The following NUP62CL variants were observed in gnomAD, a reference collection of about 807,000 sequenced individuals.
The protein encoded by NUP62CL is nucleoporin 62 C-terminal like, also known as nucleoporin-62 C-terminal-like protein.
NUP62CL carries 13 observed loss-of-function variants against 15.3 expected under a neutral mutation model. The observed-to-expected ratio is 0.85, with a 90% CI of 0.55 to 1.35. The LOEUF is 1.35. Ranked by LOEUF, NUP62CL falls within the 40% of genes most tolerant of loss-of-function variation. NUP62CL has a pLI of 0.00. For synonymous variants in NUP62CL, 54 were observed against 49.2 expected, an observed-to-expected ratio of 1.10 and a Z score of -0.41; for missense variants, 123 against 130.6, an observed-to-expected ratio of 0.94 and a Z score of 0.28.
chrX:107,185,196 CAAAAAAAAAAAAA>C (rs3072235), intron 2 of NUP62CL, among the ~76,000 whole-genome samples: 1 of 20,983 alleles, frequency 4.8e-5, no homozygotes, highest in Non-Finnish European at 9.5e-5. Context: ...GACTCCGTCT[CAAAAAAAAAAAAA>C]AAAAAAAAAA....
chrX:107,163,127 C>T (rs1465449595), intron 4 of NUP62CL, among the ~76,000 whole-genome samples: 1 of 111,539 alleles, frequency 9.0e-6, no homozygotes, highest in African/African-American at 3.3e-5. Context: ...CTTCTCGTTT[C>T]TCAGATCATT....
chrX:107,131,294 G>C (rs1925509555), intron 8 of NUP62CL, among the ~76,000 whole-genome samples: 1 of 111,676 alleles, frequency 9.0e-6, no homozygotes, highest in African/African-American at 3.3e-5. Flanking sequence ...TGAAGAAATA[G>C]AAATAGCCTG....
At chrX:107,157,456 A>G (rs1382828930) in intron 4 of NUP62CL, among the ~76,000 whole-genome samples, 4 of 106,640 alleles carry the variant, frequency 3.8e-5, no homozygotes, top group Non-Finnish European at 7.8e-5. Flanking sequence ...AAGCCAGAAG[A>G]GAGTGGGGGC....
In NUP62CL at chrX:107,125,064, G is replaced by A. The variant is rs1016068517; in HGVS notation, c.*43-732C>T. On this transcript the variant is annotated intron_variant, in intron 8 of 8. Transcript: ENST00000372466. ...TTTAAACTGCGCAAGTTCACTATAC[G>A]TGAATTTTCTTCCACTTCTGCCACA... 4.5e-5 allele frequency among the ~76,000 whole-genome samples: 5 copies of A among 111,455 alleles called. 1 individual carries two copies. Among genetic ancestry groups the A allele is most frequent in the African/African-American group, 9.8e-5 (3 of 30,719 alleles).
At chrX:107,184,802 T>C (rs1270376509) in intron 2 of NUP62CL, among the ~76,000 whole-genome samples, 2 of 110,289 alleles carry the variant, frequency 1.8e-5, no homozygotes, top group African/African-American at 3.3e-5. Context: ...TAATTAAACT[T>C]CTGAAAACCA....
chrX:107,184,878 A>G (rs1377544938), intron 2 of NUP62CL, among the ~76,000 whole-genome samples: 1 of 111,716 alleles, frequency 9.0e-6, no homozygotes, highest in African/African-American at 3.3e-5. Context: ...AGAAAAGACT[A>G]TTTAAATGAC....
intron 7 of NUP62CL, chrX:107,150,706 C>T: frequency 3.9e-6 from 1 of 254,731 alleles, no homozygotes; most frequent in Non-Finnish European, 7.6e-6. Context: ...ACTATGTTGC[C>T]CAGGCTGGTC....
chrX:107,141,857 G>A (rs1488028038), intron 8 of NUP62CL, among the ~76,000 whole-genome samples: 1 of 109,653 alleles, frequency 9.1e-6, no homozygotes, highest in African/African-American at 3.3e-5. Flanking sequence ...CCAAGAGTTC[G>A]AGACCAGCCT....
At chrX:107,186,718 T>A (rs1038907587) in intron 2 of NUP62CL, among the ~76,000 whole-genome samples, 1 of 111,237 alleles carries the variant, frequency 9.0e-6, no homozygotes, top group Non-Finnish European at 1.9e-5. Flanking sequence ...GCCAATATGG[T>A]GAAACCCTGT....
In NUP62CL at chrX:107,206,279, G is replaced by A. The variant is rs1009744705; in HGVS notation, c.-98C>T. The A allele has an allele frequency of 2.1e-4, 23 of 110,874 alleles. No homozygotes were observed. The highest frequency in any genetic ancestry group is 7.6e-4 in the African/African-American group (23 of 30,435). The allele number at this position is 110,874 out of a possible 1,213,427, so 9.1% of individuals were successfully genotyped here. On this transcript the variant is annotated 5_prime_UTR_variant, in exon 1 of 9. Transcript: ENST00000372466. ...GAAAACCCCACAAACTTACCTTACT[G>A]GCAAGTCGCCGCCGCTCGCTGTCCG...
intron 2 of NUP62CL, among the ~76,000 whole-genome samples, chrX:107,189,886 AAAGAAAGAAAGAAAG>A (rs1389807226): frequency 6.3e-5 from 4 of 63,508 alleles, no homozygotes; most frequent in Non-Finnish European, 9.5e-5. Context: ...GAAAAGAAAG[AAAGAAAGAAAGAAAG>A]AAAGAAAGAA....
At chrX:107,204,345 T>C (rs1927558006) in intron 1 of NUP62CL, among the ~76,000 whole-genome samples, 1 of 111,511 alleles carries the variant, frequency 9.0e-6, no homozygotes, top group Non-Finnish European at 1.9e-5. Context: ...CCTCAACCTC[T>C]AAGCTTCTGT....
At position 107,161,017 on chromosome X, in the gene NUP62CL, A is replaced by G. The variant is rs775292381; in HGVS notation, c.194+6632T>C. ...AAAAGAAGACATTTATGCAGCCAAC[A>G]GACACATGAAAAAATGCTCATCATC... is the stretch of plus-strand genomic sequence containing the variant. On this transcript the variant is annotated intron_variant, in intron 4 of 8. Transcript: ENST00000372466. 9.8e-3 allele frequency among the ~76,000 whole-genome samples: 1,094 copies of G among 112,129 alleles called. 12 individuals are homozygous for G. Among genetic ancestry groups the G allele is most frequent in the African/African-American group, 0.034 (1,050 of 30,847 alleles).
At chrX:107,192,789 T>C (rs1484932242) in intron 2 of NUP62CL, among the ~76,000 whole-genome samples, 1 of 112,167 alleles carries the variant, frequency 8.9e-6, no homozygotes, top group Non-Finnish European at 1.9e-5. Context: ...TTGCTCTTAC[T>C]CTAAGGAAAA....
chrX:107,156,204 G>GA (rs1926184373), intron 4 of NUP62CL, among the ~76,000 whole-genome samples: 2 of 111,944 alleles, frequency 1.8e-5, no homozygotes, highest in Non-Finnish European at 3.8e-5. Context: ...GGCTGGGGGA[G>GA]GGGCGCCCGC....
chrX:107,201,619 C>T (rs1005848231), intron 1 of NUP62CL, among the ~76,000 whole-genome samples: 1 of 106,717 alleles, frequency 9.4e-6, no homozygotes, highest in African/African-American at 3.5e-5. Flanking sequence ...AAAAATACTG[C>T]TGACCAAAAA....
chrX:107,164,144 C>A (rs909828523), intron 4 of NUP62CL, among the ~76,000 whole-genome samples: 1 of 111,627 alleles, frequency 9.0e-6, no homozygotes, highest in African/African-American at 3.3e-5. Flanking sequence ...TAAAATCGTA[C>A]AAAGCATATT....
rs932272632 is a variant in NUP62CL, at chrX:107,182,128, G to A, written c.-47-6935C>T. ...GAGCAAATACCACTTAATATGATTT[G>A]CTTTTAAGTTAAATGAATCTTAGAA... On this transcript the variant is annotated intron_variant, in intron 2 of 8. Coordinates refer to ENST00000372466, the MANE Select transcript of NUP62CL (RefSeq NM_017681.3). Among the ~76,000 whole-genome samples, 32 of 112,372 alleles carry A rather than the reference G, an allele frequency of 2.8e-4. 1 individual carries two copies. The highest frequency in any genetic ancestry group is 1.0e-3 in the African/African-American group (32 of 30,951).
At chrX:107,156,744 C>T (rs1926206524) in intron 4 of NUP62CL, among the ~76,000 whole-genome samples, 1 of 103,722 alleles carries the variant, frequency 9.6e-6, no homozygotes, top group African/African-American at 3.6e-5. Context: ...CAAAGGAACG[C>T]AGTTCCTCAC....
Sources: allele counts gnomAD v4.1 joint callset (sites outside exome capture counted in the v4.1 genomes callset), GRCh38; gene constraint gnomAD v4.1.1; transcripts MANE v1.5; gene names NCBI Gene and HGNC (gene_info 2026-07-23, HGNC 2026-07-21).